The following CFAP20DC variants were observed in gnomAD, a reference collection of about 807,000 sequenced individuals.
The protein encoded by CFAP20DC is protein CFAP20DC.
A neutral mutation model predicts 101.7 loss-of-function variants in CFAP20DC; 84 were observed. That is an observed-to-expected ratio of 0.83 (90% confidence interval 0.69 to 0.99). CFAP20DC has a LOEUF of 0.99. Ranked by LOEUF, CFAP20DC falls within the 50% of genes least tolerant of loss-of-function variation. CFAP20DC has a pLI of 0.00. For synonymous variants in CFAP20DC, 359 were observed against 351.2 expected (o/e 1.02, Z -0.25); for missense variants, 1,007 against 970.3 (o/e 1.04, Z -0.50).
chr3:58,810,733 G>A (rs1424471807), intron 14 of CFAP20DC, among the ~76,000 whole-genome samples: 1 of 150,368 alleles, frequency 6.7e-6, no homozygotes. Flanking sequence ...AAAATAAAGG[G>A]TATTCAATTA....
chr3:58,922,521 T>C (rs567327827), intron 5 of CFAP20DC, among the ~76,000 whole-genome samples: 8 of 152,194 alleles, frequency 5.3e-5, no homozygotes, highest in Non-Finnish European at 1.2e-4. Flanking sequence ...CTCTTAGTTC[T>C]CATGAGAACT....
chr3:58,936,919 A>T (rs1229671728), intron 5 of CFAP20DC, among the ~76,000 whole-genome samples: 1 of 151,584 alleles, frequency 6.6e-6, no homozygotes, highest in African/African-American at 2.4e-5. Flanking sequence ...AACTTAAAGT[A>T]TAATAATAAC....
intron 3 of CFAP20DC, among the ~76,000 whole-genome samples, chr3:59,042,472 G>A (rs1699482072): frequency 1.3e-5 from 2 of 151,996 alleles, no homozygotes; most frequent in African/African-American, 4.8e-5. Context: ...TACAGTCTGT[G>A]CATGGGTGCC....
rs1369061330 is a variant in CFAP20DC, at chr3:58,884,542, T to C, written c.715+3A>G. 1.2e-6 allele frequency: 2 copies of C among 1,613,712 alleles called. No individual in the cohort carries two copies. The highest frequency in any genetic ancestry group is 1.7e-6 in the Non-Finnish European group (2 of 1,179,676). On this transcript the variant is annotated splice_donor_region_variant and intron_variant, in intron 7 of 16. Coordinates refer to ENST00000482387, the MANE Select transcript of CFAP20DC (RefSeq NM_001394063.1). ...CTTATAATTTAGGTGCCTGAGTGTC[T>C]ACCTGATTCTGCTGATCTTAGAGGA...
chr3:58,992,951 C>G (rs1415880365), intron 4 of CFAP20DC, among the ~76,000 whole-genome samples: 1 of 151,916 alleles, frequency 6.6e-6, no homozygotes, highest in Admixed American at 6.6e-5. Context: ...TAAAACACCC[C>G]TGTCCCTCAA....
intron 15 of CFAP20DC, among the ~76,000 whole-genome samples, chr3:58,772,851 C>T (rs570625796): frequency 1.3e-5 from 2 of 152,146 alleles, no homozygotes; most frequent in South Asian, 4.2e-4. Flanking sequence ...AAAATATATG[C>T]ATAACAATGT....
intron 14 of CFAP20DC, among the ~76,000 whole-genome samples, chr3:58,811,028 C>T (rs2074579710): frequency 1.3e-5 from 2 of 152,116 alleles, no homozygotes; most frequent in South Asian, 2.1e-4. Context: ...AGGAGTACTA[C>T]AAATCACTGC....
intron 6 of CFAP20DC, among the ~76,000 whole-genome samples, chr3:58,893,766 G>A (rs1402641240): frequency 4.0e-5 from 6 of 151,722 alleles, no homozygotes; most frequent in Admixed American, 1.3e-4. Context: ...ATCTGTTCCT[G>A]GGCTTTTTTT....
At chr3:58,740,086 A>ATGGT (rs895307222), downstream of CFAP20DC, among the ~76,000 whole-genome samples, 3 of 152,128 alleles carry the variant, frequency 2.0e-5, no homozygotes, top group Non-Finnish European at 2.9e-5. This position sits in a 1 kb window ranked among gnomAD's most constrained non-coding sequence, Gnocchi z 4.6. Flanking sequence ...ACATTTCTGC[A>ATGGT]TGGTTGGGTA....
At chr3:58,786,964 G>A (rs1455714280) in intron 15 of CFAP20DC, among the ~76,000 whole-genome samples, 6 of 151,516 alleles carry the variant, frequency 4.0e-5, no homozygotes, top group African/African-American at 1.5e-4. Context: ...GCATATATAG[G>A]GTTTGGCACT....
At position 58,774,656 on chromosome 3, in the gene CFAP20DC, T is replaced by C. The variant is rs114349248; in HGVS notation, c.2238-20793A>G. ...ACACGCCAGGCAAAAAGAGATGAAA[T>C]GTCCTTATTAGATTTTTAAGATGTG... On this transcript the variant is annotated intron_variant, in intron 15 of 16. Transcript: ENST00000482387. Among the ~76,000 whole-genome samples, 1,239 of 152,300 alleles carry C rather than the reference T, an allele frequency of 8.1e-3. 19 individuals carry two copies. The highest frequency in any genetic ancestry group is 0.028 in the African/African-American group (1,184 of 41,574).
intron 11 of CFAP20DC, among the ~76,000 whole-genome samples, chr3:58,866,104 G>A (rs1422299040): frequency 1.3e-5 from 2 of 152,164 alleles, no homozygotes; most frequent in Non-Finnish European, 2.9e-5. Context: ...AGGTTTCAAC[G>A]TTGCATAAAT....
chr3:58,747,058 T>TA (rs113931440), intron 16 of CFAP20DC, among the ~76,000 whole-genome samples: 1,761 of 152,306 alleles, frequency 0.012, 47 homozygotes, highest in African/African-American at 0.039. Flanking sequence ...TTGCTCTATT[T>TA]AAAGATTGGC....
At chr3:58,738,519 T>G (rs2067809092), downstream of CFAP20DC, among the ~76,000 whole-genome samples, 1 of 152,260 alleles carries the variant, frequency 6.6e-6, no homozygotes. This position sits in a 1 kb window ranked among gnomAD's most constrained non-coding sequence, Gnocchi z 4.4. Context: ...GGGCATGATC[T>G]CCTTCCTTTT....
intron 15 of CFAP20DC, among the ~76,000 whole-genome samples, chr3:58,759,539 T>G (rs1575569022): frequency 6.6e-6 from 1 of 152,240 alleles, no homozygotes; most frequent in East Asian, 1.9e-4. Flanking sequence ...TTCAGTTTAA[T>G]TAGATCCCAT....
At chr3:58,975,215 A>C (rs184704585) in intron 4 of CFAP20DC, among the ~76,000 whole-genome samples, 37 of 151,784 alleles carry the variant, frequency 2.4e-4, no homozygotes, top group African/African-American at 8.9e-4. Context: ...CTTAATTTAA[A>C]TATTCTTATC....
chr3:59,045,247 A>C (rs1699756089), intron 3 of CFAP20DC, among the ~76,000 whole-genome samples: 1 of 152,026 alleles, frequency 6.6e-6, no homozygotes, highest in Admixed American at 6.6e-5. Context: ...AAAGCACAGA[A>C]CCTATATAAG....
At chr3:59,008,509 C>T (rs2093494505) in intron 4 of CFAP20DC, among the ~76,000 whole-genome samples, 1 of 152,140 alleles carries the variant, frequency 6.6e-6, no homozygotes, top group Non-Finnish European at 1.5e-5. Context: ...CACATACACA[C>T]CATGGAATAC....
Position 58,728,900 on chromosome 3 carries a change from G to A in CFAP20DC, c.198-11272C>T, listed in dbSNP as rs1309663487. Among the ~76,000 whole-genome samples, 1 of 152,144 alleles carries A rather than the reference G, an allele frequency of 6.6e-6. No homozygotes were observed. Among genetic ancestry groups the A allele is most frequent in the African/African-American group, 2.4e-5 (1 of 41,414 alleles). ...TACCGCATTGACTCAGAGCTGGTCT[G>A]TGTGACCAATCAAGTATGGATGATG... On this transcript the variant is annotated intron_variant, in intron 3 of 3. Transcript: ENST00000486145. The surrounding 1 kb of genome is among the most constrained non-coding windows in gnomAD (Gnocchi z 4.7).
Sources: gnomAD v4.1 joint callset for allele counts (sites outside exome capture counted in the v4.1 genomes callset) on GRCh38, gnomAD v4.1.1 for gene constraint, Gnocchi (gnomAD v3.1) non-coding constraint, MANE v1.5 for transcripts, NCBI Gene and HGNC (gene_info 2026-07-23, HGNC 2026-07-21) for gene names.